ITIH3: variants seen among roughly 807,000 people sequenced by gnomAD.
ITIH3 encodes the protein inter-alpha-trypsin inhibitor heavy chain H3.
A neutral mutation model predicts 96.5 loss-of-function variants in ITIH3; 81 were observed. That is an observed-to-expected ratio of 0.84 (90% CI 0.70 to 1.01). The LOEUF is 1.01. Among genes scored for constraint, ITIH3 ranks in the 50% least tolerant of loss-of-function variants. The probability of loss-of-function intolerance (pLI) is 0.00; values close to 1 mark genes in which losing one functional copy is unlikely to be tolerated. For missense variants in ITIH3, 1,057 were observed against 1,139.3 expected (o/e 0.93, Z 1.04); for synonymous variants, 422 against 445.2 (o/e 0.95, Z 0.66).
rs1327110062 is a variant in ITIH3, at chr3:52,796,472, TC to T, written c.115-5del. On this transcript the variant is annotated splice_region_variant and splice_polypyrimidine_tract_variant and intron_variant, in intron 2 of 21. Coordinates refer to ENST00000449956, the MANE Select transcript of ITIH3 (RefSeq NM_002217.4). ...CAGTCTGGCTGATTCTCCACCCACC[TC>T]CCCAAAGGTGGCCAATGGCATCGAG... is the stretch of plus-strand genomic sequence containing the variant. 6.2e-7 allele frequency: 1 copy of T among 1,607,554 alleles called. No homozygotes were observed. Among genetic ancestry groups the T allele is most frequent in the Non-Finnish European group, 8.5e-7 (1 of 1,176,476 alleles).
At chr3:52,798,585 A>C in intron 6 of ITIH3, 1 of 207,622 alleles carries the variant, frequency 4.8e-6, no homozygotes, top group Non-Finnish European at 9.7e-6. Flanking sequence ...TTTAATGGGA[A>C]GCTACCCCTT....
chr3:52,798,796 C>A, intron 6 of ITIH3, 170 bp from the exon 7 acceptor site: 1 of 700,996 alleles, frequency 1.4e-6, no homozygotes, highest in Non-Finnish European at 2.4e-6. Context: ...AGCTGCAGAG[C>A]ACGCCACCGG....
chr3:52,800,470 G>A (rs376654314), intron 9 of ITIH3, 68 bp from the exon 10 acceptor site: 8 of 1,541,066 alleles, frequency 5.2e-6, no homozygotes, highest in African/African-American at 2.7e-5. Flanking sequence ...GGCCTCCTCC[G>A]CTCCAGCCTG....
intron 18 of ITIH3, 70 bp downstream of exon 18, chr3:52,806,476 C>A: frequency 8.5e-7 from 1 of 1,170,618 alleles, no homozygotes; most frequent in Non-Finnish European, 1.2e-6. Flanking sequence ...CCGAGGTAGG[C>A]ACAGGGAACA....
At chr3:52,795,314 G>GGT (rs1395100978) in intron 1 of ITIH3, among the ~76,000 whole-genome samples, 1 of 152,190 alleles carries the variant, frequency 6.6e-6, no homozygotes, top group Admixed American at 6.5e-5. Flanking sequence ...GATAGAATGA[G>GGT]GTGGGGCATG....
chr3:52,806,171 G>A lies in ITIH3; in HGVS notation c.1942+33G>A, dbSNP rs1257651036. On this transcript the variant is annotated intron_variant, in intron 17 of 21. Transcript: ENST00000449956. Reference sequence around the variant, plus strand: ...CCTGGCTGCTCCTCGGGAAGGCTCAGGGGCCTGGGCACGTGCTCCTGCCTG... The same window carrying A: ...CCTGGCTGCTCCTCGGGAAGGCTCAAGGGCCTGGGCACGTGCTCCTGCCTG... 1.9e-6 allele frequency: 3 copies of A among 1,601,480 alleles called. No homozygotes were observed. The East Asian group carries it at 6.8e-5, about 36-fold the overall frequency.
chr3:52,805,460 C>T (rs1026671329), intron 15 of ITIH3: 18 of 1,102,780 alleles, frequency 1.6e-5, no homozygotes, highest in Admixed American at 9.0e-5. Flanking sequence ...AACAGACAGC[C>T]GTGAGCCTCA....
At chr3:52,802,910 G>T in intron 13 of ITIH3, 104 bp downstream of exon 13, 1 of 1,355,718 alleles carries the variant, frequency 7.4e-7, no homozygotes, top group Non-Finnish European at 1.0e-6. Flanking sequence ...TCTTGGGCCA[G>T]CCCAGGAAGT....
At position 52,802,824 on chromosome 3, in the gene ITIH3, C is replaced by T; in HGVS notation, c.1709+18C>T. ...GAGAAGCGGTGAGCAGAGTCCCAGCCCCCACCTGTGCCTACCCCTGGCTGG... is the reference window on the plus strand; with the variant it reads ...GAGAAGCGGTGAGCAGAGTCCCAGCTCCCACCTGTGCCTACCCCTGGCTGG... On this transcript the variant is annotated intron_variant, in intron 13 of 21. Transcript: ENST00000449956. 1 of 1,613,254 alleles carries T rather than the reference C, an allele frequency of 6.2e-7. No individual in the cohort carries two copies. Among genetic ancestry groups the T allele is most frequent in the Non-Finnish European group, 8.5e-7 (1 of 1,179,538 alleles).
chr3:52,805,818 G>A lies in ITIH3; in HGVS notation c.1884G>A (p.Val628=), dbSNP rs750833531. 3 of 1,613,844 alleles carry A rather than the reference G, an allele frequency of 1.9e-6. No homozygotes were observed. The highest frequency in any genetic ancestry group is 3.3e-5 in the Admixed American group (2 of 60,004). ...CCTTCGGCTTTTCAGCCACACCGGT[G>A]AGCCCCGCCATGTCCTACCTGAGTG... ...KPGEDAEATP[V]SPAMSYLTSY... The change falls in exon 16 of 22, where the codon GTG becomes GTA. Residue 628 remains valine, a synonymous_variant. Transcript: ENST00000449956.
At position 52,803,947 on chromosome 3, in the gene ITIH3, T is replaced by C. The variant is rs1200784921; in HGVS notation, c.1802T>C (p.Met601Thr). Residue 601 changes from methionine to threonine, a missense_variant, in exon 14 of 22, where the codon ATG becomes ACG. Transcript: ENST00000449956. ...KYHFVTPLTS[M>T]VVTKPEDNED... ...CACTTTGTGACTCCACTGACCTCAA[T>C]GGTGGTGACCAAGCCTGAGGACAAC... 9 of 1,613,854 alleles carry C rather than the reference T, an allele frequency of 5.6e-6. No individual in the cohort carries two copies. The highest frequency in any genetic ancestry group is 7.6e-6 in the Non-Finnish European group (9 of 1,179,856).
chr3:52,796,395 C>A, intron 2 of ITIH3, 86 bp from the exon 3 acceptor site: 1 of 1,253,530 alleles, frequency 8.0e-7, no homozygotes, highest in Non-Finnish European at 1.1e-6. Flanking sequence ...TCAGAGCCTC[C>A]AAGGGTTTGC....
rs760607438 is a variant in ITIH3, at chr3:52,808,688, A to G, written c.*7A>G. On this transcript the variant is annotated 3_prime_UTR_variant, in exon 22 of 22. Coordinates refer to ENST00000449956, the MANE Select transcript of ITIH3 (RefSeq NM_002217.4). ...TGTCCCCAACCTGTTTTGAGTAGAC[A>G]CACCAGCTCCTGTTGGGATGGATGG... 6 of 1,597,460 alleles carry G rather than the reference A, an allele frequency of 3.8e-6. No individual in the cohort carries two copies. The highest frequency in any genetic ancestry group is 5.1e-6 in the Non-Finnish European group (6 of 1,165,904).
At chr3:52,799,635 G>C in intron 8 of ITIH3, 118 bp from the exon 9 acceptor site, 2 of 1,192,906 alleles carry the variant, frequency 1.7e-6, no homozygotes, top group Non-Finnish European at 2.3e-6. Flanking sequence ...GCCCGCTTCT[G>C]TGGCAAGCCT....
chr3:52,796,436 C>A, intron 2 of ITIH3, 45 bp from the exon 3 acceptor site: 1 of 1,580,858 alleles, frequency 6.3e-7, no homozygotes, highest in Non-Finnish European at 8.6e-7. Context: ...AAACCTGCTT[C>A]TCCAGTGTCC....
At position 52,802,460 on chromosome 3, in the gene ITIH3, G is replaced by A. The variant is rs1699870515; in HGVS notation, c.1510G>A (p.Ala504Thr). The stretch of plus-strand genomic sequence containing the variant: ...CTACGATGGCTCTGAGATCGTGGTG[G>A]CCGGGCGCCTGGTGGACGAGGACAT... The part of the protein sequence containing the change: ...HFYDGSEIVV[A>T]GRLVDEDMNS... The change falls in exon 12 of 22, where the codon GCC (alanine) becomes ACC (threonine). Residue 504 changes from alanine (A) to threonine (T), a missense_variant. Transcript: ENST00000449956. The A allele has an allele frequency of 5.0e-6, 8 of 1,614,022 alleles. 1 individual carries two copies. The East Asian group carries it at 1.8e-4, about 36-fold the overall frequency.
chr3:52,799,897 G>T lies in ITIH3; in HGVS notation c.1051G>T (p.Val351Leu). Residue 351 changes from valine to leucine, a missense_variant, in exon 9 of 22, where the codon GTG (valine) becomes TTG (leucine). By Grantham distance (32) the Val-to-Leu change is conservative. Transcript: ENST00000449956. ...GAACCTCCAGGAGGCCAGGACGTTTGTGAAGAGCATGGAGGATAAAGGAAG... is the reference window on the plus strand; with the variant it reads ...GAACCTCCAGGAGGCCAGGACGTTTTTGAAGAGCATGGAGGATAAAGGAAG... ...PENLQEARTF[V>L]KSMEDKGMTN... 6.2e-7 allele frequency: 1 copy of T among 1,613,866 alleles called. No individual in the cohort carries two copies. Among genetic ancestry groups the T allele is most frequent in the Non-Finnish European group, 8.5e-7 (1 of 1,179,802 alleles).
At position 52,802,486 on chromosome 3, in the gene ITIH3, G is replaced by C. The variant is rs1044504943; in HGVS notation, c.1536G>C (p.Met512Ile). ...CCGGGCGCCTGGTGGACGAGGACATGAACAGCTTTAAGGCAGATGTGAAGG... is the reference window on the plus strand; with the variant it reads ...CCGGGCGCCTGGTGGACGAGGACATCAACAGCTTTAAGGCAGATGTGAAGG... ...VVAGRLVDED[M>I]NSFKADVKGH... Residue 512 changes from methionine to isoleucine, a missense_variant, in exon 12 of 22, where the codon ATG (methionine) becomes ATC (isoleucine). By Grantham distance (10) the Met-to-Ile change is conservative. Transcript: ENST00000449956. 12 of 1,613,938 alleles carry C rather than the reference G, an allele frequency of 7.4e-6. No individual in the cohort carries two copies. Among genetic ancestry groups the C allele is most frequent in the Non-Finnish European group, 1.0e-5 (12 of 1,179,870 alleles).
chr3:52,805,856 C>A lies in ITIH3; in HGVS notation c.1906+16C>A, dbSNP rs769994600. ...TCCTACCTGAGTGAGTACATGCTGGCAGCTGCCACTCCTCCCACTGCTTAG... is the reference window on the plus strand; with the variant it reads ...TCCTACCTGAGTGAGTACATGCTGGAAGCTGCCACTCCTCCCACTGCTTAG... On this transcript the variant is annotated intron_variant, in intron 16 of 21. Transcript: ENST00000449956. The A allele has an allele frequency of 2.5e-6, 4 of 1,613,266 alleles. No homozygotes were observed. Among genetic ancestry groups the A allele is most frequent in the Non-Finnish European group, 1.7e-6 (2 of 1,179,458 alleles).
Sources: allele counts gnomAD v4.1 joint callset (sites outside exome capture counted in the v4.1 genomes callset), GRCh38; gene constraint gnomAD v4.1.1; transcripts MANE v1.5; gene names NCBI Gene and HGNC (gene_info 2026-07-23, HGNC 2026-07-21).